RYK: variants seen among roughly 807,000 people sequenced by gnomAD.
RYK encodes the protein receptor like tyrosine kinase.
A neutral mutation model predicts 70.2 loss-of-function variants in RYK; 21 were observed. The observed-to-expected ratio is 0.30, with a 90% confidence interval of 0.21 to 0.43. The LOEUF (loss-of-function observed/expected upper bound fraction) is 0.43. RYK is among the 20% of genes least tolerant of loss of function. The probability of loss-of-function intolerance (pLI) is 1.00; values close to 1 mark genes in which losing one functional copy is unlikely to be tolerated. For synonymous variants in RYK, 267 were observed against 278.0 expected (o/e 0.96, Z 0.39); for missense variants, 604 against 753.3 (o/e 0.80, Z 2.32).
In RYK at chr3:134,202,797, A is replaced by C; in HGVS notation, c.721T>G (p.Phe241Val). The C allele has an allele frequency of 6.2e-7, 1 of 1,613,642 alleles. No individual in the cohort carries two copies. The highest frequency in any genetic ancestry group is 8.5e-7 in the Non-Finnish European group (1 of 1,179,630). The change falls in exon 6 of 15, where the codon TTT becomes GTT. Residue 241 changes from phenylalanine to valine, a missense_variant. By Grantham distance (50) the Phe-to-Val change is conservative. Transcript: ENST00000623711. ...ISVGVCCAVIFLVAIILAVLH... is the reference protein window; with the variant it reads ...ISVGVCCAVIVLVAIILAVLH... ...ACAGCTAATATTATTGCTACGAGAA[A>C]TATTACTGCACAACAAACCCCTACA...
chr3:134,174,021 C>T (rs6776502), intron 13 of RYK, among the ~76,000 whole-genome samples: 21,939 of 152,162 alleles, frequency 0.14, 1,947 homozygotes, highest in East Asian at 0.47. Context: ...AAAGTTTATT[C>T]TGGATTATGT....
Position 134,158,096 on chromosome 3 carries a change from G to A in RYK, c.*57C>T. On this transcript the variant is annotated 3_prime_UTR_variant, in exon 15 of 15. Transcript: ENST00000623711. Reference sequence around the variant, plus strand: ...GTTAGATACAAAGCATCCCTGACAGGCTTCAAGTGAGCCCCGACAGGCACC... The same window carrying A: ...GTTAGATACAAAGCATCCCTGACAGACTTCAAGTGAGCCCCGACAGGCACC... 3 of 938,096 alleles carry A rather than the reference G, an allele frequency of 3.2e-6. No homozygotes were observed. Among genetic ancestry groups the A allele is most frequent in the Admixed American group, 3.3e-5 (1 of 30,156 alleles). 58.1% of individuals were successfully genotyped at this position (938,096 alleles called of 1,614,324 possible).
At chr3:134,200,121 C>T (rs1217002792) in intron 6 of RYK, among the ~76,000 whole-genome samples, 1 of 151,974 alleles carries the variant, frequency 6.6e-6, no homozygotes, top group Non-Finnish European at 1.5e-5. Context: ...AAGCAGGCCA[C>T]CCAAGCCAGC....
intron 7 of RYK, 131 bp downstream of exon 7, chr3:134,194,951 C>A: frequency 1.6e-6 from 1 of 618,420 alleles, no homozygotes; most frequent in South Asian, 2.1e-5. Flanking sequence ...AGTTGAAGAG[C>A]ATACCTAATT....
At chr3:134,235,865 AACTCTTTATGAGAC>A (rs2015186375) in intron 1 of RYK, among the ~76,000 whole-genome samples, 1 of 152,158 alleles carries the variant, frequency 6.6e-6, no homozygotes, top group Non-Finnish European at 1.5e-5. Context: ...GGAGCAGGGT[AACTCTTTATGAGAC>A]TAGGAAACAG....
chr3:134,213,708 G>A (rs1057411172), intron 2 of RYK, among the ~76,000 whole-genome samples: 3 of 152,274 alleles, frequency 2.0e-5, no homozygotes, highest in Admixed American at 1.3e-4. Context: ...CTGACCCTCA[G>A]GGCCTAGACA....
At chr3:134,188,590 C>T (rs998292927) in intron 9 of RYK, among the ~76,000 whole-genome samples, 8 of 152,196 alleles carry the variant, frequency 5.3e-5, no homozygotes, top group Admixed American at 2.0e-4. Context: ...TTGCAATTAA[C>T]TGAGTAATAT....
chr3:134,160,267 C>A (rs2012411654), intron 13 of RYK, among the ~76,000 whole-genome samples: 2 of 151,948 alleles, frequency 1.3e-5, no homozygotes, highest in Non-Finnish European at 2.9e-5. Flanking sequence ...CTCAATTTTA[C>A]AGGTGAGAAA....
chr3:134,204,964 C>G (rs556882954), intron 5 of RYK, among the ~76,000 whole-genome samples: 1 of 152,266 alleles, frequency 6.6e-6, no homozygotes, highest in Admixed American at 6.5e-5. Context: ...AGAGACAGCA[C>G]TGGCTTGGAC....
intron 13 of RYK, 83 bp from the exon 14 acceptor site, chr3:134,159,456 A>G (rs2012375907): frequency 7.6e-7 from 1 of 1,322,510 alleles, no homozygotes; most frequent in African/African-American, 1.5e-5. Context: ...TACAGGACAA[A>G]AAATAACAGC....
Position 134,175,918 on chromosome 3 carries a change from C to G in RYK, c.1415+12G>C. 6.3e-7 allele frequency: 1 copy of G among 1,590,254 alleles called. No individual in the cohort carries two copies. The highest frequency in any genetic ancestry group is 8.6e-7 in the Non-Finnish European group (1 of 1,161,856). ...CTACATCAAGTGACAGCGTCAAGCT[C>G]ATGGCACCTACACACAGTTCCTGGC... On this transcript the variant is annotated intron_variant, in intron 12 of 14. Coordinates refer to ENST00000623711, the MANE Select transcript of RYK (RefSeq NM_002958.4).
At chr3:134,171,531 A>G (rs1267184241) in intron 13 of RYK, among the ~76,000 whole-genome samples, 1 of 152,214 alleles carries the variant, frequency 6.6e-6, no homozygotes, top group Non-Finnish European at 1.5e-5. Context: ...ATCATCGCTT[A>G]ATTATACAAT....
intron 11 of RYK, among the ~76,000 whole-genome samples, chr3:134,176,395 A>G (rs921273207): frequency 6.6e-6 from 1 of 152,104 alleles, no homozygotes; most frequent in Non-Finnish European, 1.5e-5. Context: ...TTTTTCCCCC[A>G]AACAGTAGTT....
chr3:134,242,911 A>G lies in RYK; in HGVS notation c.232+7512T>C, dbSNP rs143705970. ...GCACAATGTCTCTGCCTGTCTCCCA[A>G]TGAAGAACACATGGATTCAAATAAA... On this transcript the variant is annotated intron_variant, in intron 1 of 14. Transcript: ENST00000623711. 7.7e-3 allele frequency among the ~76,000 whole-genome samples: 1,180 copies of G among 152,308 alleles called. 22 individuals carry two copies. The highest frequency in any genetic ancestry group is 0.026 in the African/African-American group (1,079 of 41,554).
At chr3:134,238,966 G>GTA (rs1316996815) in intron 1 of RYK, among the ~76,000 whole-genome samples, 3 of 152,154 alleles carry the variant, frequency 2.0e-5, no homozygotes, top group Admixed American at 6.5e-5. Flanking sequence ...ATTGTAGCGT[G>GTA]GGCCAACAGT....
chr3:134,236,831 GACAAGA>G, intron 1 of RYK, among the ~76,000 whole-genome samples: 1 of 152,124 alleles, frequency 6.6e-6, no homozygotes, highest in Non-Finnish European at 1.5e-5. Context: ...CTGGAAAGCA[GACAAGA>G]ACAAGAATGG....
chr3:134,194,994 TC>T, intron 7 of RYK, 87 bp downstream of exon 7: 1 of 897,486 alleles, frequency 1.1e-6, no homozygotes, highest in Non-Finnish European at 1.8e-6. Flanking sequence ...ACACAACATG[TC>T]CCACAAGTAC....
chr3:134,250,550 C>A lies in RYK; in HGVS notation c.105G>T (p.Leu35=), dbSNP rs1384876707. The A allele has an allele frequency of 2.7e-6, 3 of 1,119,898 alleles. No homozygotes were observed. Among genetic ancestry groups the A allele is most frequent in the East Asian group, 7.2e-5 (2 of 27,886 alleles). The allele number at this position is 1,119,898 out of a possible 1,614,324, so 69.4% of individuals were successfully genotyped here. A position where few individuals can be genotyped will look rare whatever the true frequency, so the allele number is the denominator to read the frequency against. ...PPPPLLLLLA[L]LPLLPAPGAA... is the part of the protein sequence containing the mutation. ...CGCCAGGCGCGGGCAGCAGCGGCAA[C>A]AGCGCAAGCAGAAGCAGCAGCGGCG... Residue 35 remains leucine (L), a synonymous_variant, in exon 1 of 15, where the codon CTG becomes CTT. Transcript: ENST00000623711.
intron 14 of RYK, among the ~76,000 whole-genome samples, 168 bp from the exon 15 acceptor site, chr3:134,158,432 A>T (rs1007338514): frequency 6.6e-6 from 1 of 152,244 alleles, no homozygotes; most frequent in South Asian, 2.1e-4. Flanking sequence ...AAAGAAGCTA[A>T]AAGAAATTAT....
Sources: gnomAD v4.1 joint callset for allele counts (sites outside exome capture counted in the v4.1 genomes callset) on GRCh38, gnomAD v4.1.1 for gene constraint, MANE v1.5 for transcripts, NCBI Gene and HGNC (gene_info 2026-07-23, HGNC 2026-07-21) for gene names.